The following STRN3 variants were observed in gnomAD, a reference collection of about 807,000 sequenced individuals.
STRN3 encodes striatin-3.
Under a neutral mutation model 95.6 loss-of-function variants are expected in STRN3, and 29 were observed. The ratio of observed to expected loss-of-function variants is 0.30; its 90% CI spans 0.23 to 0.41. STRN3 has a LOEUF of 0.41. STRN3 is among the 10% of genes least tolerant of loss of function. The pLI, the probability that STRN3 is intolerant of heterozygous loss-of-function variation, is 1.00. For synonymous variants in STRN3, 331 were observed against 357.6 expected (o/e 0.93, Z 0.84); for missense variants, 890 against 972.1 (o/e 0.92, Z 1.12).
chr14:30,993,055 T>C (rs1258949303), intron 1 of STRN3, among the ~76,000 whole-genome samples: 1 of 151,720 alleles, frequency 6.6e-6, no homozygotes, highest in East Asian at 1.9e-4. Flanking sequence ...TAATCATTCT[T>C]CTACTTCAAG....
chr14:31,001,619 T>C (rs1882454273), intron 1 of STRN3, among the ~76,000 whole-genome samples: 1 of 151,902 alleles, frequency 6.6e-6, no homozygotes. Context: ...AAATTTATCA[T>C]AGTCAAGTAA....
intron 5 of STRN3, among the ~76,000 whole-genome samples, chr14:30,939,145 A>G (rs1465896458): frequency 2.0e-5 from 3 of 152,142 alleles, no homozygotes; most frequent in African/African-American, 7.2e-5. Context: ...TAGCGGAGGA[A>G]CTCTGAGCTT....
chr14:31,006,137 G>C (rs200799407), intron 1 of STRN3, among the ~76,000 whole-genome samples: 6 of 133,798 alleles, frequency 4.5e-5, no homozygotes, highest in South Asian at 4.8e-4. Context: ...AAAAAAAAAA[G>C]AAACAAACAA....
At chr14:30,981,790 A>G (rs1881414518) in intron 1 of STRN3, among the ~76,000 whole-genome samples, 1 of 152,186 alleles carries the variant, frequency 6.6e-6, no homozygotes, top group Non-Finnish European at 1.5e-5. Flanking sequence ...ACGTTTTCCA[A>G]TTTTATTGAT....
intron 8 of STRN3, among the ~76,000 whole-genome samples, chr14:30,919,362 G>GATAT (rs149599396): frequency 0.022 from 3,249 of 146,498 alleles, 75 homozygotes; most frequent in African/African-American, 0.056. Context: ...TCTCTAAAGA[G>GATAT]ATATATATAT....
At chr14:31,019,649 T>C (rs1005019095) in intron 1 of STRN3, among the ~76,000 whole-genome samples, 1 of 152,066 alleles carries the variant, frequency 6.6e-6, no homozygotes, top group African/African-American at 2.4e-5. Context: ...AAAGCACAGA[T>C]TGAATCAGTT....
intron 1 of STRN3, among the ~76,000 whole-genome samples, chr14:30,975,295 CA>C (rs1881039341): frequency 6.6e-6 from 1 of 150,812 alleles, no homozygotes; most frequent in Non-Finnish European, 1.5e-5. Flanking sequence ...CTAAATGAAG[CA>C]ACTCAGGAAT....
At chr14:30,935,436 A>AT (rs763348010) in intron 6 of STRN3, 132 bp from the exon 7 acceptor site, 103 of 938,240 alleles carry the variant, frequency 1.1e-4, no homozygotes, top group Non-Finnish European at 1.5e-4. Flanking sequence ...TCTCCTATGT[A>AT]ATTCACAAAT....
chr14:30,985,789 C>G (rs1301813636), intron 1 of STRN3, among the ~76,000 whole-genome samples: 1 of 152,176 alleles, frequency 6.6e-6, no homozygotes, highest in Non-Finnish European at 1.5e-5. Flanking sequence ...ACACTTACAT[C>G]TTTTGCTAAT....
At chr14:30,956,496 T>A (rs1367804436) in intron 1 of STRN3, among the ~76,000 whole-genome samples, 3 of 152,034 alleles carry the variant, frequency 2.0e-5, no homozygotes, top group East Asian at 3.9e-4. Context: ...CTACAAAAAA[T>A]TTTTTAAATT....
At chr14:31,009,604 ATT>A (rs34490042) in intron 1 of STRN3, among the ~76,000 whole-genome samples, 2 of 144,654 alleles carry the variant, frequency 1.4e-5, no homozygotes. Flanking sequence ...ACCATTGCCA[ATT>A]TTTTTTTTTT....
chr14:31,007,117 A>G (rs1882754222), intron 1 of STRN3, among the ~76,000 whole-genome samples: 1 of 152,236 alleles, frequency 6.6e-6, no homozygotes, highest in African/African-American at 2.4e-5. Context: ...TTTTCTCAAG[A>G]AACAATTAAA....
In STRN3 at chr14:31,017,118, C is replaced by T. The variant is rs537310367; in HGVS notation, c.282+8786G>A. Among the ~76,000 whole-genome samples, 857 of 152,172 alleles carry T rather than the reference C, an allele frequency of 5.6e-3. 7 individuals are homozygous for T. The highest frequency in any genetic ancestry group is 0.019 in the African/African-American group (810 of 41,540). Reference sequence around the variant, plus strand: ...GCAGTGAGCAGTGATTGTTTTACTGCACTCCAGCCTGGGTGACAGACTGAG... The same window carrying T: ...GCAGTGAGCAGTGATTGTTTTACTGTACTCCAGCCTGGGTGACAGACTGAG... On this transcript the variant is annotated intron_variant, in intron 1 of 17. Coordinates refer to ENST00000357479, the MANE Select transcript of STRN3 (RefSeq NM_001083893.2).
At chr14:31,011,062 T>A (rs1401968201) in intron 1 of STRN3, among the ~76,000 whole-genome samples, 1 of 152,020 alleles carries the variant, frequency 6.6e-6, no homozygotes, top group Non-Finnish European at 1.5e-5. Context: ...ACATTTTAAT[T>A]GAAGTGATTT....
intron 5 of STRN3, among the ~76,000 whole-genome samples, chr14:30,940,367 A>G (rs1018855328): frequency 6.6e-6 from 1 of 152,150 alleles, no homozygotes; most frequent in Non-Finnish European, 1.5e-5. Flanking sequence ...ATGAAGGGTA[A>G]ATTTGAGGCT....
intron 5 of STRN3, among the ~76,000 whole-genome samples, chr14:30,938,350 A>T (rs1443599935): frequency 6.6e-6 from 1 of 152,228 alleles, no homozygotes; most frequent in Non-Finnish European, 1.5e-5. Flanking sequence ...AATTTACAAT[A>T]TAACTTAATA....
Position 30,895,352 on chromosome 14 carries a change from G to T in STRN3, c.*59C>A. ...CATATCAGTAACCTTTCTGATGGCA[G>T]TGATGCAGACCCTCTTTCTGTCCAA... On this transcript the variant is annotated 3_prime_UTR_variant, in exon 18 of 18. Coordinates refer to ENST00000357479, the MANE Select transcript of STRN3 (RefSeq NM_001083893.2). 1 of 1,504,992 alleles carries T rather than the reference G, an allele frequency of 6.6e-7. No homozygotes were observed. The allele number at this position is 1,504,992 out of a possible 1,614,324, so 93.2% of individuals were successfully genotyped here.
intron 1 of STRN3, among the ~76,000 whole-genome samples, chr14:31,011,384 G>C (rs1160879390): frequency 6.6e-6 from 1 of 152,186 alleles, no homozygotes; most frequent in East Asian, 1.9e-4. Flanking sequence ...ATACATACCT[G>C]TAATTCCAGC....
intron 1 of STRN3, among the ~76,000 whole-genome samples, chr14:30,970,899 T>C (rs998025265): frequency 2.0e-5 from 3 of 152,220 alleles, no homozygotes; most frequent in Non-Finnish European, 4.4e-5. Flanking sequence ...AAGGTGGTCC[T>C]CCAGTCAACC....
Sources: allele counts gnomAD v4.1 joint callset (sites outside exome capture counted in the v4.1 genomes callset), GRCh38; gene constraint gnomAD v4.1.1; transcripts MANE v1.5; gene names NCBI Gene and HGNC (gene_info 2026-07-23, HGNC 2026-07-21).